The following CTNNA1 variants were observed in gnomAD, a reference collection of about 807,000 sequenced individuals.
The protein encoded by CTNNA1 is catenin alpha-1.
A neutral mutation model predicts 98.4 loss-of-function variants in CTNNA1; 37 were observed. That is an observed-to-expected ratio of 0.38 (90% CI 0.29 to 0.49). The LOEUF (loss-of-function observed/expected upper bound fraction) is 0.49, where lower values mean the gene tolerates loss of function less well. Among genes scored for constraint, CTNNA1 ranks in the 20% least tolerant of loss-of-function variants. The pLI is 0.95. For synonymous variants in CTNNA1, 404 were observed against 413.2 expected, an observed-to-expected ratio of 0.98 and a Z score of 0.27; for missense variants, 761 against 1,147.2, an observed-to-expected ratio of 0.66 and a Z score of 4.86.
intron 13 of CTNNA1, among the ~76,000 whole-genome samples, chr5:138,927,209 A>G (rs374572602): frequency 2.6e-5 from 4 of 152,174 alleles, no homozygotes; most frequent in African/African-American, 9.7e-5. Context: ...GTAAGCTTCA[A>G]TCAGATCATG....
chr5:138,906,558 A>T (rs1309875426), intron 10 of CTNNA1, among the ~76,000 whole-genome samples: 1 of 152,220 alleles, frequency 6.6e-6, no homozygotes, highest in Non-Finnish European at 1.5e-5. Flanking sequence ...CCAGGAAAAA[A>T]ATCACACGGA....
intron 3 of CTNNA1, among the ~76,000 whole-genome samples, chr5:138,808,991 A>C (rs1254792878): frequency 6.6e-6 from 1 of 152,148 alleles, no homozygotes; most frequent in Non-Finnish European, 1.5e-5. Flanking sequence ...TATTTTTAAA[A>C]ATTTTTTTAA....
intron 1 of CTNNA1, among the ~76,000 whole-genome samples, chr5:138,759,817 T>A (rs1232196598): frequency 6.6e-6 from 1 of 152,012 alleles, no homozygotes. Context: ...TTAACCCAAT[T>A]TACTGTCCCA....
In CTNNA1 at chr5:138,818,008, C is replaced by G. The variant is rs563734493; in HGVS notation, c.588+5706C>G. Among the ~76,000 whole-genome samples, 15 of 152,012 alleles carry G rather than the reference C, an allele frequency of 9.9e-5. No homozygotes were observed. In the South Asian group the frequency reaches 3.1e-3, roughly 32 times the overall value. ...TTCAAATGATTCTTGAGCCTTAGCC[C>G]CGTCCCTGCGCCCCCGCCCCCACAA... is the stretch of plus-strand genomic sequence containing the variant. On this transcript the variant is annotated intron_variant, in intron 5 of 17. Transcript: ENST00000302763.
rs144758837 is a variant in CTNNA1, at chr5:138,922,080, G to C, written c.1547-2430G>C. Among the ~76,000 whole-genome samples the C allele has an allele frequency of 3.9e-5, 6 of 152,300 alleles. No homozygotes were observed. In the East Asian group the frequency reaches 1.2e-3, roughly 29 times the overall value. ...ATGCCATAAAGATACCCAGGGCAGA[G>C]GGTACAAAGAAGAGGCTCTATTGCT... On this transcript the variant is annotated intron_variant, in intron 11 of 17. Coordinates refer to ENST00000302763, the MANE Select transcript of CTNNA1 (RefSeq NM_001903.5).
At chr5:138,892,023 C>T (rs1755479618) in intron 9 of CTNNA1, among the ~76,000 whole-genome samples, 2 of 152,174 alleles carry the variant, frequency 1.3e-5, no homozygotes, top group Non-Finnish European at 2.9e-5. Flanking sequence ...CTACCTATGA[C>T]CTGGAAGCCC....
intron 7 of CTNNA1, among the ~76,000 whole-genome samples, chr5:138,828,875 G>T (rs1481353041): frequency 2.0e-5 from 3 of 152,224 alleles, no homozygotes; most frequent in Admixed American, 1.3e-4. Flanking sequence ...TGTAGTCCCA[G>T]CGTTTTGGGA....
rs117204730 is a variant in CTNNA1 at position 138,859,624 on chromosome 5, G to A, written c.1063-26588G>A. Among the ~76,000 whole-genome samples the A allele has an allele frequency of 1.4e-3, 213 of 152,306 alleles. 3 individuals are homozygous for A. The East Asian group carries it at 0.037, about 27-fold the overall frequency. On this transcript the variant is annotated intron_variant, in intron 7 of 17. Coordinates refer to ENST00000302763, the MANE Select transcript of CTNNA1 (RefSeq NM_001903.5). Reference sequence around the variant, plus strand: ...TTCTTGGTATTCAGTTAGTTAAAATGCTAGTTACAAATAACAGGGCTCAGA... The same window carrying A: ...TTCTTGGTATTCAGTTAGTTAAAATACTAGTTACAAATAACAGGGCTCAGA...
At chr5:138,848,887 C>T (rs1156833802) in intron 7 of CTNNA1, among the ~76,000 whole-genome samples, 1 of 152,160 alleles carries the variant, frequency 6.6e-6, no homozygotes, top group Non-Finnish European at 1.5e-5. Context: ...TCATACCCAG[C>T]TAATTTTTGT....
At chr5:138,859,762 G>A (rs1764088647) in intron 7 of CTNNA1, among the ~76,000 whole-genome samples, 1 of 152,110 alleles carries the variant, frequency 6.6e-6, no homozygotes, top group African/African-American at 2.4e-5. Context: ...ACAAAAATTA[G>A]GCAGGTGTGG....
In CTNNA1 at chr5:138,886,200, C is replaced by A; in HGVS notation, c.1063-12C>A. Reference sequence around the variant, plus strand: ...AATGAATAAAATGCTCATCTCTTTTCCTTTTATCCAGGCTGGACGTAAAGA... The same window carrying A: ...AATGAATAAAATGCTCATCTCTTTTACTTTTATCCAGGCTGGACGTAAAGA... On this transcript the variant is annotated splice_polypyrimidine_tract_variant and intron_variant, in intron 7 of 17. Coordinates refer to ENST00000302763, the MANE Select transcript of CTNNA1 (RefSeq NM_001903.5). The A allele has an allele frequency of 6.2e-7, 1 of 1,605,992 alleles. No homozygotes were observed. The highest frequency in any genetic ancestry group is 8.5e-7 in the Non-Finnish European group (1 of 1,177,330).
intron 1 of CTNNA1, among the ~76,000 whole-genome samples, chr5:138,766,888 CTTTG>C (rs976948029): frequency 6.6e-6 from 1 of 151,946 alleles, no homozygotes; most frequent in African/African-American, 2.4e-5. Context: ...GCTCCTTTAC[CTTTG>C]TTTTTTAGGG....
rs1387112158 is a variant in CTNNA1 at position 138,870,644 on chromosome 5, G to C, written c.1063-15568G>C. The C allele has an allele frequency of 1.2e-4, 19 of 152,316 alleles. No homozygotes were observed. The East Asian group carries it at 3.5e-3, about 28-fold the overall frequency. 9.4% of individuals were successfully genotyped at this position (152,316 alleles called of 1,614,324 possible). A position where few individuals can be genotyped will look rare whatever the true frequency, so the allele number is the denominator to read the frequency against. ...CACAGTTTAAATCTTAATTTTGTTT[G>C]TGGTTTGAAATGATGGAAAATACTC... On this transcript the variant is annotated intron_variant, in intron 7 of 17. Coordinates refer to ENST00000302763, the MANE Select transcript of CTNNA1 (RefSeq NM_001903.5).
intron 7 of CTNNA1, among the ~76,000 whole-genome samples, chr5:138,843,333 T>A (rs973368874): frequency 1.3e-5 from 2 of 152,134 alleles, no homozygotes; most frequent in Non-Finnish European, 2.9e-5. Context: ...TTTTTTTTTT[T>A]AAAGGACATG....
Position 138,934,453 on chromosome 5 carries a change from G to A in CTNNA1, c.*364G>A, listed in dbSNP as rs1766109392. The stretch of plus-strand genomic sequence containing the variant: ...GGGAATTTGGCTCAACTTCAGTTGA[G>A]AGGGTGCAGTCCAGACAGCTTGACT... On this transcript the variant is annotated 3_prime_UTR_variant, in exon 18 of 18. Coordinates refer to ENST00000302763, the MANE Select transcript of CTNNA1 (RefSeq NM_001903.5). 1 of 244,578 alleles carries A rather than the reference G, an allele frequency of 4.1e-6. No homozygotes were observed. The highest frequency in any genetic ancestry group is 5.2e-5 in the Admixed American group (1 of 19,276). 15.2% of individuals were successfully genotyped at this position (244,578 alleles called of 1,614,324 possible). A position where few individuals can be genotyped will look rare whatever the true frequency, so the allele number is the denominator to read the frequency against.
intron 5 of CTNNA1, among the ~76,000 whole-genome samples, chr5:138,822,884 T>C (rs934528723): frequency 6.6e-6 from 1 of 152,216 alleles, no homozygotes. Flanking sequence ...GAAGCCAGTT[T>C]GGTGTCTCTA....
At chr5:138,754,234 T>G (rs1459362148) in intron 1 of CTNNA1, 2 of 151,454 alleles carry the variant, frequency 1.3e-5, no homozygotes, top group African/African-American at 2.4e-5. Context: ...TAGAGAGGTT[T>G]TTTTTTTTTT....
At chr5:138,797,261 G>A (rs73790350) in intron 3 of CTNNA1, among the ~76,000 whole-genome samples, 5,679 of 152,084 alleles carry the variant, frequency 0.037, 288 homozygotes, top group African/African-American at 0.12. Context: ...ATTCACTATA[G>A]AAAGTAAAAA....
rs1762151588 is a variant in CTNNA1, at chr5:138,917,918, G to A, written c.1546+20G>A. ...TCTCAGGTAATGAGCTGGTTCCCCA[G>A]AGAAGTATGTGAAGATGTTCATAAT... On this transcript the variant is annotated intron_variant, in intron 11 of 17. Coordinates refer to ENST00000302763, the MANE Select transcript of CTNNA1 (RefSeq NM_001903.5). 2.5e-6 allele frequency: 4 copies of A among 1,612,122 alleles called. No individual in the cohort carries two copies. Among genetic ancestry groups the A allele is most frequent in the Non-Finnish European group, 3.4e-6 (4 of 1,178,484 alleles).
Sources: gnomAD v4.1 joint callset for allele counts (sites outside exome capture counted in the v4.1 genomes callset) on GRCh38, gnomAD v4.1.1 for gene constraint, MANE v1.5 for transcripts, NCBI Gene and HGNC (gene_info 2026-07-23, HGNC 2026-07-21) for gene names.